GRM5: variants seen among roughly 807,000 people sequenced by gnomAD.
GRM5 encodes glutamate metabotropic receptor 5, also known as metabotropic glutamate receptor 5.
In GRM5, 19 loss-of-function variants were observed where a neutral mutation model predicts 83.1. The observed-to-expected ratio is 0.23, with a 90% CI of 0.16 to 0.34. GRM5 has a LOEUF of 0.34. Among genes scored for constraint, GRM5 ranks in the 10% least tolerant of loss-of-function variants. The pLI is 1.00. For missense variants in GRM5, 1,160 were observed against 1,588.3 expected, an observed-to-expected ratio of 0.73 and a Z score of 4.58; for synonymous variants, 675 against 633.6, an observed-to-expected ratio of 1.07 and a Z score of -0.98.
chr11:88,847,810 G>A (rs1197301251), intron 3 of GRM5, among the ~76,000 whole-genome samples: 2 of 152,094 alleles, frequency 1.3e-5, no homozygotes. Flanking sequence ...AGAACTCTAT[G>A]TTTATCATAT....
At chr11:88,546,616 G>A (rs141931553) in intron 8 of GRM5, among the ~76,000 whole-genome samples, 229 of 152,150 alleles carry the variant, frequency 1.5e-3, no homozygotes, top group African/African-American at 5.3e-3. Flanking sequence ...TCAGTGAATG[G>A]TAAAGTCTTA....
Position 88,681,872 on chromosome 11 carries a change from T to C in GRM5, c.912-28469A>G, listed in dbSNP as rs1012345253. On this transcript the variant is annotated intron_variant, in intron 3 of 9. Transcript: ENST00000305447. ...GCGTGAGTCACTGTGCCCAGCCCTC[T>C]TTTTGTTATTCATGTTGTATACTCT... Among the ~76,000 whole-genome samples, 6 of 152,086 alleles carry C rather than the reference T, an allele frequency of 3.9e-5. No individual in the cohort carries two copies. The East Asian group carries it at 9.7e-4, about 25-fold the overall frequency.
At chr11:88,670,419 A>T (rs929765160) in intron 3 of GRM5, among the ~76,000 whole-genome samples, 1 of 151,964 alleles carries the variant, frequency 6.6e-6, no homozygotes, top group Non-Finnish European at 1.5e-5. Flanking sequence ...GCTTATTTTC[A>T]TCGAAAGACA....
At chr11:88,996,465 A>G (rs1940190161) in intron 2 of GRM5, among the ~76,000 whole-genome samples, 1 of 152,210 alleles carries the variant, frequency 6.6e-6, no homozygotes, top group Non-Finnish European at 1.5e-5. Flanking sequence ...CAGAATGATA[A>G]AAAAGAGGAC....
At chr11:88,984,630 T>C in intron 2 of GRM5, 1 of 440,706 alleles carries the variant, frequency 2.3e-6, no homozygotes, top group Non-Finnish European at 4.1e-6. Flanking sequence ...ATAAAGATTA[T>C]AAAATTAGAA....
intron 2 of GRM5, among the ~76,000 whole-genome samples, chr11:88,973,866 C>T (rs1422960166): frequency 1.3e-5 from 2 of 151,998 alleles, no homozygotes; most frequent in South Asian, 2.1e-4. Context: ...TTTTCAATTT[C>T]TATGTAAATT....
At chr11:88,650,537 C>A (rs1038927548) in intron 4 of GRM5, among the ~76,000 whole-genome samples, 3 of 151,850 alleles carry the variant, frequency 2.0e-5, no homozygotes, top group East Asian at 1.9e-4. Context: ...GAAGAAAAAA[C>A]CAGGTATTAA....
At chr11:88,555,091 A>T (rs989299110) in intron 8 of GRM5, among the ~76,000 whole-genome samples, 23 of 152,152 alleles carry the variant, frequency 1.5e-4, no homozygotes, top group Non-Finnish European at 3.1e-4. Context: ...TGTGTCCCTT[A>T]CCAGCTATGT....
intron 3 of GRM5, among the ~76,000 whole-genome samples, chr11:88,835,530 A>G (rs1173395285): frequency 6.6e-6 from 1 of 151,774 alleles, no homozygotes; most frequent in Non-Finnish European, 1.5e-5. Context: ...ATTTTAGGCC[A>G]TGTAGTGTAT....
intron 3 of GRM5, among the ~76,000 whole-genome samples, chr11:88,838,106 A>AAAAAAAAAAAAAT (rs1944126740): frequency 6.7e-6 from 1 of 149,374 alleles, no homozygotes; most frequent in Non-Finnish European, 1.5e-5. Flanking sequence ...AAAAAAAAAA[A>AAAAAAAAAAAAAT]AAAGATATAA....
chr11:88,736,075 A>G (rs2892293), intron 3 of GRM5, among the ~76,000 whole-genome samples: 2 of 152,090 alleles, frequency 1.3e-5, no homozygotes, highest in South Asian at 4.1e-4. Flanking sequence ...TTTGTGGTCA[A>G]CCTATTTATG....
intron 2 of GRM5, among the ~76,000 whole-genome samples, chr11:89,037,823 T>C (rs1021369149): frequency 6.6e-6 from 1 of 152,174 alleles, no homozygotes; most frequent in Non-Finnish European, 1.5e-5. Flanking sequence ...TCTAGAAAAG[T>C]ATTTAGGAAT....
At chr11:88,617,358 G>A (rs1300130935) in intron 4 of GRM5, among the ~76,000 whole-genome samples, 1 of 152,018 alleles carries the variant, frequency 6.6e-6, no homozygotes, top group African/African-American at 2.4e-5. Context: ...AGTGAATTGG[G>A]GAAAAATAAC....
chr11:88,944,743 C>T (rs995061811), intron 2 of GRM5, among the ~76,000 whole-genome samples: 2 of 151,800 alleles, frequency 1.3e-5, no homozygotes, highest in South Asian at 4.1e-4. Context: ...TATGACAAAA[C>T]CACCGCCAAC....
At chr11:88,673,832 TGCC>T (rs1940252235) in intron 3 of GRM5, among the ~76,000 whole-genome samples, 1 of 150,880 alleles carries the variant, frequency 6.6e-6, no homozygotes, top group Non-Finnish European at 1.5e-5. Flanking sequence ...AAACAGGCAG[TGCC>T]AAATGGTTCA....
Position 88,948,284 on chromosome 11 carries a change from C to G in GRM5, c.662-98129G>C, listed in dbSNP as rs528761459. ...GAACTTTATTCTGCAATTAATGAAT[C>G]AGCTATTGGTATTCAAACCAGTTTG... On this transcript the variant is annotated intron_variant, in intron 2 of 9. Coordinates refer to ENST00000305447, the MANE Select transcript of GRM5 (RefSeq NM_001143831.3). 2.0e-5 allele frequency among the ~76,000 whole-genome samples: 3 copies of G among 152,240 alleles called. No individual in the cohort carries two copies. In the East Asian group the frequency reaches 5.8e-4, roughly 29 times the overall value.
At chr11:88,720,178 A>C (rs1461399762) in intron 3 of GRM5, among the ~76,000 whole-genome samples, 1 of 152,090 alleles carries the variant, frequency 6.6e-6, no homozygotes, top group Non-Finnish European at 1.5e-5. Flanking sequence ...AATCACAGAG[A>C]TATGCATGGA....
At chr11:88,663,571 T>C (rs181584459) in intron 3 of GRM5, among the ~76,000 whole-genome samples, 1 of 152,172 alleles carries the variant, frequency 6.6e-6, no homozygotes, top group Non-Finnish European at 1.5e-5. Flanking sequence ...TATATAACCT[T>C]GTCTGTTTTT....
At chr11:88,940,153 A>G (rs562648307) in intron 2 of GRM5, among the ~76,000 whole-genome samples, 3 of 152,026 alleles carry the variant, frequency 2.0e-5, no homozygotes, top group South Asian at 4.1e-4. Context: ...TCAGTCTTCT[A>G]TTAGTGCCCA....
Sources: allele counts gnomAD v4.1 joint callset (sites outside exome capture counted in the v4.1 genomes callset), GRCh38; gene constraint gnomAD v4.1.1; transcripts MANE v1.5; gene names NCBI Gene and HGNC (gene_info 2026-07-23, HGNC 2026-07-21).